Variants in CNIH3 observed in about 807,000 individuals in gnomAD.
CNIH3 encodes protein cornichon homolog 3.
A neutral mutation model predicts 24.1 loss-of-function variants in CNIH3; 14 were observed. The ratio of observed to expected loss-of-function variants is 0.58; its 90% CI spans 0.38 to 0.91. The LOEUF (loss-of-function observed/expected upper bound fraction) is 0.91, where lower values mean the gene tolerates loss of function less well. Ranked by LOEUF, CNIH3 falls within the 40% of genes least tolerant of loss-of-function variation. The pLI is 0.00. For synonymous variants in CNIH3, 68 were observed against 73.8 expected, an observed-to-expected ratio of 0.92 and a Z score of 0.40; for missense variants, 178 against 196.8, an observed-to-expected ratio of 0.90 and a Z score of 0.57.
intron 5 of CNIH3, among the ~76,000 whole-genome samples, chr1:224,584,241 A>C (rs556761746): frequency 5.3e-5 from 8 of 152,246 alleles, no homozygotes; most frequent in Non-Finnish European, 1.0e-4. Context: ...GAACAAAGGC[A>C]TTAGAAAAAA....
chr1:224,616,403 C>A lies in CNIH3; in HGVS notation c.-772C>A. Reference sequence around the variant, plus strand: ...GCGTTTGGCCTGAAACCCACTGCTGCAGCCACCCGGGCTGGAGTTGGCCCG... The same window carrying A: ...GCGTTTGGCCTGAAACCCACTGCTGAAGCCACCCGGGCTGGAGTTGGCCCG... On this transcript the variant is annotated 5_prime_UTR_variant, in exon 1 of 6. Coordinates refer to ENST00000272133, the MANE Select transcript of CNIH3 (RefSeq NM_152495.2). The A allele has an allele frequency of 1.1e-6, 1 of 929,056 alleles. No homozygotes were observed. The highest frequency in any genetic ancestry group is 1.3e-6 in the Non-Finnish European group (1 of 771,986). 57.6% of individuals were successfully genotyped at this position (929,056 alleles called of 1,614,324 possible). A position where few individuals can be genotyped will look rare whatever the true frequency, so the allele number is the denominator to read the frequency against.
chr1:224,723,046 C>T (rs1688816729), intron 3 of CNIH3, among the ~76,000 whole-genome samples: 1 of 152,128 alleles, frequency 6.6e-6, no homozygotes, highest in Non-Finnish European at 1.5e-5. Flanking sequence ...GGTGAGGGCC[C>T]CAAGGGAAAT....
upstream of CNIH3, chr1:224,514,038 G>C (rs528246151): frequency 2.0e-5 from 3 of 152,330 alleles, no homozygotes; most frequent in East Asian, 5.8e-4. Context: ...GCAAGGCAGA[G>C]AGCTTTCTTT....
At chr1:224,674,936 C>T (rs557637888) in intron 1 of CNIH3, among the ~76,000 whole-genome samples, 1 of 152,266 alleles carries the variant, frequency 6.6e-6, no homozygotes, top group African/African-American at 2.4e-5. Flanking sequence ...CAATTTTCTA[C>T]CCCAGAGCCT....
chr1:224,514,017 C>T (rs1354688838), upstream of CNIH3: 1 of 152,234 alleles, frequency 6.6e-6, no homozygotes, highest in East Asian at 1.9e-4. Context: ...TAGTTTTAGA[C>T]TCCCACAGCG....
chr1:224,734,311 T>C (rs1392641369), intron 4 of CNIH3, among the ~76,000 whole-genome samples: 1 of 152,220 alleles, frequency 6.6e-6, no homozygotes, highest in Non-Finnish European at 1.5e-5. Context: ...ACATTTCCCC[T>C]TCTGTTGGAG....
downstream of CNIH3, among the ~76,000 whole-genome samples, chr1:224,542,576 T>C (rs1679551971): frequency 6.6e-6 from 1 of 152,014 alleles, no homozygotes; most frequent in South Asian, 2.1e-4. Context: ...TGGTAGAAAA[T>C]AGCAGAAACA....
At chr1:224,444,870 C>T (rs959581669) in intron 1 of CNIH3, among the ~76,000 whole-genome samples, 1 of 151,692 alleles carries the variant, frequency 6.6e-6, no homozygotes, top group African/African-American at 2.4e-5. Context: ...GTCTCAAACT[C>T]CTGACCTCGT....
At chr1:224,522,302 A>T (rs1411269359) in intron 2 of CNIH3, among the ~76,000 whole-genome samples, 1 of 152,236 alleles carries the variant, frequency 6.6e-6, no homozygotes, top group Non-Finnish European at 1.5e-5. Flanking sequence ...GGTTGGAAAA[A>T]ATGAGTTCTC....
At chr1:224,679,797 C>T (rs1686312656) in intron 1 of CNIH3, among the ~76,000 whole-genome samples, 1 of 152,204 alleles carries the variant, frequency 6.6e-6, no homozygotes, top group Non-Finnish European at 1.5e-5. Context: ...GGATTGGGGA[C>T]ATCTGGGGGC....
intron 1 of CNIH3, among the ~76,000 whole-genome samples, chr1:224,667,764 A>AC (rs1373408011): frequency 6.7e-6 from 1 of 149,372 alleles, no homozygotes; most frequent in African/African-American, 2.6e-5. Context: ...AAAAAAAAAA[A>AC]AAACCCATGA....
chr1:224,568,974 G>C (rs1680702747), intron 4 of CNIH3, among the ~76,000 whole-genome samples: 1 of 152,154 alleles, frequency 6.6e-6, no homozygotes, highest in African/African-American at 2.4e-5. Flanking sequence ...CCAGGCTCAA[G>C]CAATTCTCCT....
chr1:224,739,385 T>A lies in CNIH3; in HGVS notation c.*29T>A. On this transcript the variant is annotated 3_prime_UTR_variant, in exon 6 of 6. Transcript: ENST00000272133. ...AAAGACCATGCACATCATCAGAGAC[T>A]GAGATGGGAGAGGCCTGAGACGGAG... The A allele has an allele frequency of 6.3e-7, 1 of 1,584,542 alleles. No homozygotes were observed. The highest frequency in any genetic ancestry group is 8.6e-7 in the Non-Finnish European group (1 of 1,167,622).
intron 1 of CNIH3, among the ~76,000 whole-genome samples, chr1:224,468,824 CAAA>C (rs1214427002): frequency 1.1e-4 from 12 of 104,460 alleles, no homozygotes; most frequent in Admixed American, 9.8e-5. Context: ...GACCCTGTCT[CAAA>C]AAAAAAAAAA....
intron 1 of CNIH3, among the ~76,000 whole-genome samples, chr1:224,439,918 A>G (rs1214777065): frequency 6.6e-6 from 1 of 152,210 alleles, no homozygotes; most frequent in Admixed American, 6.5e-5. Context: ...CCTCCAGAGT[A>G]GCTGGGACTA....
intron 1 of CNIH3, among the ~76,000 whole-genome samples, chr1:224,497,951 A>C (rs1677501856): frequency 6.6e-6 from 1 of 152,218 alleles, no homozygotes; most frequent in Non-Finnish European, 1.5e-5. Context: ...TCATCACATT[A>C]ATCATATTAG....
chr1:224,510,613 A>AAAAAAC (rs1558119003), intron 1 of CNIH3, among the ~76,000 whole-genome samples: 5 of 133,702 alleles, frequency 3.7e-5, no homozygotes, highest in African/African-American at 1.6e-4. Context: ...AAAAAACAAA[A>AAAAAAC]AAAAAACAAA....
chr1:224,435,549 T>C (rs1158084930), intron 1 of CNIH3, among the ~76,000 whole-genome samples: 1 of 152,196 alleles, frequency 6.6e-6, no homozygotes, highest in African/African-American at 2.4e-5. Context: ...CAGCACCTCC[T>C]TCTCTCTTCC....
intron 1 of CNIH3, among the ~76,000 whole-genome samples, chr1:224,475,339 G>C (rs867125361): frequency 6.6e-4 from 95 of 143,866 alleles, no homozygotes; most frequent in Middle Eastern, 3.9e-3. Context: ...CGGGGCGACA[G>C]AGCGAGACTC....
Sources: allele counts gnomAD v4.1 joint callset (sites outside exome capture counted in the v4.1 genomes callset), GRCh38; gene constraint gnomAD v4.1.1; transcripts MANE v1.5; gene names NCBI Gene and HGNC (gene_info 2026-07-23, HGNC 2026-07-21).